Variants in CBL observed in about 807,000 individuals in gnomAD.
The protein encoded by CBL is E3 ubiquitin-protein ligase CBL.
A neutral mutation model predicts 96.9 loss-of-function variants in CBL; 45 were observed. The observed-to-expected ratio is 0.46, with a 90% confidence interval of 0.37 to 0.60. The LOEUF (loss-of-function observed/expected upper bound fraction) is 0.60, where lower values mean the gene tolerates loss of function less well. CBL is among the 20% of genes least tolerant of loss of function. The probability of loss-of-function intolerance (pLI) is 0.00; values close to 1 mark genes in which losing one functional copy is unlikely to be tolerated. For missense variants in CBL, 1,024 were observed against 1,143.5 expected, an observed-to-expected ratio of 0.90 and a Z score of 1.51; for synonymous variants, 420 against 426.8, an observed-to-expected ratio of 0.98 and a Z score of 0.20.
At chr11:119,245,959 T>C (rs955617838) in intron 2 of CBL, among the ~76,000 whole-genome samples, 2 of 29,946 alleles carry the variant, frequency 6.7e-5, no homozygotes, top group African/African-American at 4.7e-4. Context: ...TGCAAATCTT[T>C]TTTTTTTTTT....
chr11:119,247,416 T>C (rs1949640339), intron 2 of CBL, among the ~76,000 whole-genome samples: 1 of 152,230 alleles, frequency 6.6e-6, no homozygotes. Context: ...TCCATTTGCA[T>C]GTGACATAAT....
intron 2 of CBL, among the ~76,000 whole-genome samples, chr11:119,239,233 A>T (rs575556042): frequency 5.3e-5 from 8 of 152,224 alleles, no homozygotes; most frequent in Admixed American, 3.3e-4. Flanking sequence ...CACCTCACAA[A>T]GTGCTGGGAT....
intron 2 of CBL, among the ~76,000 whole-genome samples, chr11:119,233,784 G>A (rs1195174475): frequency 6.6e-6 from 1 of 152,120 alleles, no homozygotes; most frequent in Non-Finnish European, 1.5e-5. Context: ...TATTTCTGAA[G>A]TCATCTGGTT....
At chr11:119,235,015 G>A (rs1949532436) in intron 2 of CBL, among the ~76,000 whole-genome samples, 1 of 152,206 alleles carries the variant, frequency 6.6e-6, no homozygotes, top group South Asian at 2.1e-4. Flanking sequence ...ACGGGTTGAA[G>A]TCAGATTGTA....
At chr11:119,264,462 CTT>C (rs1222146687) in intron 2 of CBL, among the ~76,000 whole-genome samples, 4 of 131,154 alleles carry the variant, frequency 3.0e-5, no homozygotes, top group African/African-American at 8.9e-5. Context: ...CTTCTCTTCT[CTT>C]TTCTTCTTTT....
At chr11:119,251,149 C>T (rs574281408) in intron 2 of CBL, among the ~76,000 whole-genome samples, 1 of 152,204 alleles carries the variant, frequency 6.6e-6, no homozygotes, top group Non-Finnish European at 1.5e-5. Flanking sequence ...CAAAACTCAA[C>T]CTATCCTTCT....
intron 1 of CBL, among the ~76,000 whole-genome samples, chr11:119,219,452 A>C (rs1418263609): frequency 6.6e-6 from 1 of 152,058 alleles, no homozygotes; most frequent in East Asian, 1.9e-4. Context: ...GTATATGATA[A>C]GTGCTTCATT....
At chr11:119,297,702 C>T (rs1028785187) in intron 14 of CBL, among the ~76,000 whole-genome samples, 1 of 150,944 alleles carries the variant, frequency 6.6e-6, no homozygotes, top group Non-Finnish European at 1.5e-5. Context: ...AGGTGATCCA[C>T]CCCTCCCAAA....
rs1304284873 is a variant in CBL at position 119,285,411 on chromosome 11, C to T, written c.1786C>T (p.Pro596Ser). The T allele has an allele frequency of 1.2e-6, 2 of 1,614,072 alleles. No individual in the cohort carries two copies. The highest frequency in any genetic ancestry group is 2.2e-5 in the East Asian group (1 of 44,896). The change falls in exon 11 of 16, where the codon CCC becomes TCC. Residue 596 changes from proline (P) to serine (S), a missense_variant. Around this residue, in one of 4 missense-constraint regions of CBL, gnomAD observed 695 missense variants for 661.6 expected, o/e 1.05. Coordinates refer to ENST00000264033, the MANE Select transcript of CBL (RefSeq NM_005188.4). ...LGDSWLPRPI[P>S]KVPVSAPSSS... ...AGACTCATGGCTGCCCCGGCCAATC[C>T]CCAAAGTACCAGTATCTGCCCCAAG...
intron 2 of CBL, among the ~76,000 whole-genome samples, chr11:119,260,620 A>G (rs987766613): frequency 4.6e-5 from 7 of 152,044 alleles, no homozygotes; most frequent in African/African-American, 1.2e-4. Flanking sequence ...ATTATTACCA[A>G]TATATTATTG....
At chr11:119,223,063 C>T (rs1304431647) in intron 1 of CBL, among the ~76,000 whole-genome samples, 1 of 151,738 alleles carries the variant, frequency 6.6e-6, no homozygotes, top group Non-Finnish European at 1.5e-5. Context: ...ACCTGTAGTC[C>T]CGGCTACTTG....
chr11:119,286,128 G>A (rs574336147), intron 11 of CBL, among the ~76,000 whole-genome samples: 5 of 151,806 alleles, frequency 3.3e-5, no homozygotes, highest in Non-Finnish European at 7.4e-5. Context: ...ATGAAACCCC[G>A]TCTCTACTAA....
At position 119,273,265 on chromosome 11, in the gene CBL, T is replaced by A. The variant is rs904383413; in HGVS notation, c.591-603T>A. 9.9e-5 allele frequency among the ~76,000 whole-genome samples: 15 copies of A among 152,216 alleles called. 1 individual carries two copies. Among genetic ancestry groups the A allele is most frequent in the Admixed American group, 9.8e-4 (15 of 15,292 alleles). On this transcript the variant is annotated intron_variant, in intron 3 of 15. Transcript: ENST00000264033. ...AGCCACTGTGTTAGGCCCAAGTTTC[T>A]CTTTAAAGGCCTTCATTTTTGGCCA...
intron 12 of CBL, among the ~76,000 whole-genome samples, chr11:119,293,459 T>C (rs1047544783): frequency 6.6e-6 from 1 of 152,130 alleles, no homozygotes; most frequent in African/African-American, 2.4e-5. Context: ...TGGCCATACG[T>C]AACTCCAACT....
intron 1 of CBL, among the ~76,000 whole-genome samples, chr11:119,208,065 T>C (rs1163009293): frequency 6.6e-6 from 1 of 152,250 alleles, no homozygotes; most frequent in African/African-American, 2.4e-5. Flanking sequence ...TATTCGTGTG[T>C]TGATTATATT....
intron 2 of CBL, among the ~76,000 whole-genome samples, chr11:119,259,232 C>G (rs1949733891): frequency 6.6e-6 from 1 of 152,028 alleles, no homozygotes; most frequent in Non-Finnish European, 1.5e-5. Context: ...ATTGGCAAAA[C>G]AGAGATAGCT....
chr11:119,262,604 A>G (rs1949762269), intron 2 of CBL, among the ~76,000 whole-genome samples: 1 of 152,218 alleles, frequency 6.6e-6, no homozygotes, highest in Non-Finnish European at 1.5e-5. Flanking sequence ...AGTTCTACAA[A>G]TGTATTGAAT....
chr11:119,257,151 A>G (rs188891465), intron 2 of CBL, among the ~76,000 whole-genome samples: 9 of 152,284 alleles, frequency 5.9e-5, no homozygotes, highest in Admixed American at 2.6e-4. Context: ...TCTTCATACT[A>G]TTTTCCACAG....
chr11:119,283,625 CTTTTTTTTTTTTTTTTT>C lies in CBL; in HGVS notation c.1432-1330_1432-1314del, dbSNP rs398017760. The stretch of plus-strand genomic sequence containing the variant: ...AAATATTAATCCTTTTTAATTCTTT[CTTTTTTTTTTTTTTTTT>C]TTTTTTTTTTTTTGAGATGGAGTCT... On this transcript the variant is annotated intron_variant, in intron 9 of 15. Coordinates refer to ENST00000264033, the MANE Select transcript of CBL (RefSeq NM_005188.4). Among the ~76,000 whole-genome samples the C allele has an allele frequency of 9.0e-4, 41 of 45,530 alleles. No homozygotes were observed. In the South Asian group the frequency reaches 0.02, roughly 22 times the overall value. The allele number at this position is 45,530 out of a possible 152,430, so 29.9% of individuals were successfully genotyped here. A position where few individuals can be genotyped will look rare whatever the true frequency, so the allele number is the denominator to read the frequency against.
Sources: gnomAD v4.1 joint callset for allele counts (sites outside exome capture counted in the v4.1 genomes callset) on GRCh38, gnomAD v4.1.1 for gene constraint, gnomAD v4.1.1 regional missense constraint, MANE v1.5 for transcripts, NCBI Gene and HGNC (gene_info 2026-07-23, HGNC 2026-07-21) for gene names.